The following ZNF385B variants were observed in gnomAD, a reference collection of about 807,000 sequenced individuals.
ZNF385B encodes zinc finger protein 385B.
In ZNF385B, 23 loss-of-function variants were observed where a neutral mutation model predicts 39.2. That is an observed-to-expected ratio of 0.59 (90% CI 0.42 to 0.83). The LOEUF (loss-of-function observed/expected upper bound fraction) is 0.83, where lower values mean the gene tolerates loss of function less well. Among genes scored for constraint, ZNF385B ranks in the 40% least tolerant of loss-of-function variants. The pLI is 0.00. For missense variants in ZNF385B, 552 were observed against 598.9 expected, an observed-to-expected ratio of 0.92 and a Z score of 0.82; for synonymous variants, 205 against 222.6, an observed-to-expected ratio of 0.92 and a Z score of 0.70.
At chr2:179,755,005 T>A (rs1003651661) in intron 3 of ZNF385B, among the ~76,000 whole-genome samples, 9 of 152,224 alleles carry the variant, frequency 5.9e-5, no homozygotes, top group African/African-American at 2.2e-4. Flanking sequence ...GCTTCTCTAG[T>A]TCTTTCGATT....
chr2:179,839,547 A>C (rs986211090), intron 1 of ZNF385B, among the ~76,000 whole-genome samples: 2 of 152,224 alleles, frequency 1.3e-5, no homozygotes, highest in African/African-American at 2.4e-5. Context: ...TCATCATTTA[A>C]ATCTTTACCA....
chr2:179,577,056 A>T (rs1436334589), intron 3 of ZNF385B, among the ~76,000 whole-genome samples: 1 of 152,162 alleles, frequency 6.6e-6, no homozygotes, highest in African/African-American at 2.4e-5. Flanking sequence ...TGGATATAAA[A>T]ATATATTGAG....
intron 1 of ZNF385B, among the ~76,000 whole-genome samples, chr2:179,833,790 T>C (rs750560578): frequency 1.3e-5 from 2 of 152,116 alleles, no homozygotes; most frequent in African/African-American, 2.4e-5. Context: ...CCTAATTATA[T>C]ATCCAATAAA....
chr2:179,788,510 G>C (rs1705138802), intron 1 of ZNF385B, among the ~76,000 whole-genome samples: 2 of 152,078 alleles, frequency 1.3e-5, no homozygotes, highest in South Asian at 2.1e-4. Context: ...ACTAAAAGTG[G>C]GCAGCTTTGG....
intron 8 of ZNF385B, among the ~76,000 whole-genome samples, chr2:179,445,218 A>G (rs1170578168): frequency 6.6e-6 from 1 of 152,076 alleles, no homozygotes; most frequent in East Asian, 1.9e-4. Context: ...ACTGTTACTG[A>G]TGAGTCTCTC....
At chr2:179,727,005 T>A (rs960836616) in intron 3 of ZNF385B, among the ~76,000 whole-genome samples, 3 of 151,988 alleles carry the variant, frequency 2.0e-5, no homozygotes, top group Non-Finnish European at 4.4e-5. Context: ...CTTAAATGAG[T>A]ATATCACATT....
intron 3 of ZNF385B, among the ~76,000 whole-genome samples, chr2:179,628,835 A>G (rs1003085974): frequency 6.6e-6 from 1 of 152,208 alleles, no homozygotes; most frequent in Non-Finnish European, 1.5e-5. Context: ...ACTGAATTAC[A>G]GTTTGTACAG....
chr2:179,530,602 G>A (rs1468672688), intron 4 of ZNF385B, among the ~76,000 whole-genome samples: 1 of 152,116 alleles, frequency 6.6e-6, no homozygotes, highest in Non-Finnish European at 1.5e-5. Flanking sequence ...CTGATGCTGA[G>A]GTCCATGACA....
chr2:179,751,905 T>C (rs915526880), intron 3 of ZNF385B, among the ~76,000 whole-genome samples: 1 of 152,088 alleles, frequency 6.6e-6, no homozygotes, highest in Non-Finnish European at 1.5e-5. Flanking sequence ...TTAAAATCTC[T>C]TTTTTTAATT....
In ZNF385B at chr2:179,785,719, T is replaced by C. The variant is rs540209795; in HGVS notation, c.-154-15047A>G. Among the ~76,000 whole-genome samples the C allele has an allele frequency of 1.2e-4, 18 of 152,234 alleles. 1 individual carries two copies. Among genetic ancestry groups the C allele is most frequent in the African/African-American group, 4.3e-4 (18 of 41,546 alleles). ...ACTGCTACAATCTCATAACAAAATT[T>C]TAATGAATGAGGAGTTGCTTCTTAC... On this transcript the variant is annotated intron_variant, in intron 1 of 9. Transcript: ENST00000410066.
chr2:179,695,586 C>T (rs762213391), intron 3 of ZNF385B, among the ~76,000 whole-genome samples: 11 of 152,000 alleles, frequency 7.2e-5, no homozygotes, highest in Non-Finnish European at 1.0e-4. Context: ...GGCCAAAAAG[C>T]ACATTTTAAA....
chr2:179,585,304 C>T (rs1686966480), intron 3 of ZNF385B, among the ~76,000 whole-genome samples: 1 of 152,180 alleles, frequency 6.6e-6, no homozygotes, highest in African/African-American at 2.4e-5. Context: ...TTCTGGCTCT[C>T]AGAGTCTCCT....
intron 3 of ZNF385B, among the ~76,000 whole-genome samples, chr2:179,616,172 T>C (rs956174064): frequency 2.0e-5 from 3 of 152,160 alleles, no homozygotes; most frequent in Admixed American, 2.0e-4. Context: ...TAAGCAGAGA[T>C]AGTAATAATA....
At chr2:179,545,386 A>G (rs1369360706) in intron 3 of ZNF385B, among the ~76,000 whole-genome samples, 1 of 152,226 alleles carries the variant, frequency 6.6e-6, no homozygotes, top group Non-Finnish European at 1.5e-5. Flanking sequence ...GACAGGTTTT[A>G]TGCAAATCAG....
intron 3 of ZNF385B, among the ~76,000 whole-genome samples, chr2:179,596,823 A>C (rs1388159819): frequency 6.6e-6 from 1 of 152,190 alleles, no homozygotes; most frequent in Non-Finnish European, 1.5e-5. Flanking sequence ...ACCCCAATTT[A>C]TCTCTCTGAC....
intron 3 of ZNF385B, among the ~76,000 whole-genome samples, chr2:179,659,019 C>T (rs1386532359): frequency 2.0e-5 from 3 of 152,112 alleles, no homozygotes; most frequent in Admixed American, 6.5e-5. Context: ...TCAGGTGATC[C>T]GCCTGCCTCA....
chr2:179,794,852 T>C (rs912560952), intron 1 of ZNF385B, among the ~76,000 whole-genome samples: 2 of 152,040 alleles, frequency 1.3e-5, no homozygotes, highest in African/African-American at 4.8e-5. Flanking sequence ...AAGAAATTGG[T>C]CCTTAAACAC....
chr2:179,519,177 C>A (rs2058309723), intron 4 of ZNF385B, among the ~76,000 whole-genome samples: 1 of 152,058 alleles, frequency 6.6e-6, no homozygotes. Context: ...CTGTATGAGG[C>A]AACAATACTT....
At chr2:179,472,762 C>A (rs1029328345) in intron 6 of ZNF385B, among the ~76,000 whole-genome samples, 4 of 152,112 alleles carry the variant, frequency 2.6e-5, no homozygotes, top group African/African-American at 4.8e-5. Context: ...GATCATACCC[C>A]CCCTCCCTAG....
Sources: allele counts gnomAD v4.1 joint callset (sites outside exome capture counted in the v4.1 genomes callset), GRCh38; gene constraint gnomAD v4.1.1; transcripts MANE v1.5; gene names NCBI Gene and HGNC (gene_info 2026-07-23, HGNC 2026-07-21).